ADAP2: variants seen among roughly 807,000 people sequenced by gnomAD.
ADAP2 encodes the protein ArfGAP with dual PH domains 2.
Under a neutral mutation model 54.9 loss-of-function variants are expected in ADAP2, and 42 were observed. The observed-to-expected ratio is 0.77, with a 90% CI of 0.60 to 0.99. ADAP2 has a LOEUF of 0.99. Among genes scored for constraint, ADAP2 ranks in the 50% least tolerant of loss-of-function variants. The pLI is 0.00. For missense variants in ADAP2, 429 were observed against 480.4 expected (o/e 0.89, Z 1.00); for synonymous variants, 177 against 180.1 (o/e 0.98, Z 0.14).
chr17:30,949,550 C>T (rs1276300373), intron 7 of ADAP2, among the ~76,000 whole-genome samples, 180 bp downstream of exon 7: 6 of 152,056 alleles, frequency 3.9e-5, no homozygotes, highest in Non-Finnish European at 8.8e-5. Flanking sequence ...AGATCGAGAC[C>T]ATCCTGGCTA....
chr17:30,955,233 C>T (rs1343174331), intron 9 of ADAP2, among the ~76,000 whole-genome samples: 1 of 151,556 alleles, frequency 6.6e-6, no homozygotes, highest in Non-Finnish European at 1.5e-5. Flanking sequence ...CCTCAGCCTC[C>T]TAAGTAGCTC....
intron 10 of ADAP2, 142 bp downstream of exon 10, chr17:30,956,611 A>G: frequency 1.2e-6 from 1 of 847,242 alleles, no homozygotes; most frequent in Admixed American, 2.5e-5. Flanking sequence ...CTTCCTGCAA[A>G]AGAAAAGCAC....
intron 5 of ADAP2, among the ~76,000 whole-genome samples, chr17:30,937,659 G>A (rs555901787): frequency 4.1e-4 from 62 of 152,228 alleles, no homozygotes; most frequent in Non-Finnish European, 6.9e-4. Flanking sequence ...GATCCGACCA[G>A]GATGGTTAGA....
intron 5 of ADAP2, among the ~76,000 whole-genome samples, chr17:30,935,557 G>T (rs1210411037): frequency 1.3e-5 from 2 of 151,862 alleles, no homozygotes; most frequent in African/African-American, 4.8e-5. Flanking sequence ...GAAAGGGGAG[G>T]AACAGTATGT....
intron 8 of ADAP2, chr17:30,954,222 C>T: frequency 2.7e-6 from 1 of 366,570 alleles, no homozygotes; most frequent in Non-Finnish European, 5.0e-6. Context: ...GAGGAAGGTG[C>T]CTCTTCCAAG....
chr17:30,923,872 G>T lies in ADAP2; in HGVS notation c.225+802G>T, dbSNP rs967583301. Among the ~76,000 whole-genome samples the T allele has an allele frequency of 3.3e-5, 5 of 150,784 alleles. No homozygotes were observed. The East Asian group carries it at 1.0e-3, about 30-fold the overall frequency. ...CCACCACCATGCCCCGCTAATTTTT[G>T]TATTAATTTTTAGCAGAGACGGGGT... On this transcript the variant is annotated intron_variant, in intron 2 of 10. Coordinates refer to ENST00000330889, the MANE Select transcript of ADAP2 (RefSeq NM_018404.3).
Position 30,957,857 on chromosome 17 carries a change from C to A in ADAP2, c.1134C>A (p.Arg378=). ...CAGCTGCATCAACAGAGAGTGGCCG[C>A]AGCAGCAGGTGACCCATTAACTGAG... ...NRLTASTESG[R]SSR The change falls in exon 11 of 11, where the codon CGC becomes CGA. Residue 378 remains arginine (R), a synonymous_variant. Coordinates refer to ENST00000330889, the MANE Select transcript of ADAP2 (RefSeq NM_018404.3). 6.2e-7 allele frequency: 1 copy of A among 1,613,234 alleles called. No individual in the cohort carries two copies. Among genetic ancestry groups the A allele is most frequent in the Non-Finnish European group, 8.5e-7 (1 of 1,179,674 alleles).
chr17:30,934,438 T>C (rs914897087), intron 5 of ADAP2, 141 bp downstream of exon 5: 5 of 608,000 alleles, frequency 8.2e-6, no homozygotes, highest in African/African-American at 5.6e-5. Context: ...CTACTTTTCC[T>C]TGGCTATACA....
intron 5 of ADAP2, among the ~76,000 whole-genome samples, chr17:30,936,230 C>A (rs573721844): frequency 3.6e-4 from 55 of 152,280 alleles, no homozygotes; most frequent in African/African-American, 1.3e-3. Flanking sequence ...TCATAGCTCA[C>A]TGCAACCTTA....
intron 10 of ADAP2, 66 bp downstream of exon 10, chr17:30,956,535 C>A: frequency 7.0e-7 from 1 of 1,424,904 alleles, no homozygotes; most frequent in Non-Finnish European, 9.8e-7. Flanking sequence ...TGCTTCTTCA[C>A]TTAGGTTCAG....
In ADAP2 at chr17:30,957,952, C is replaced by A. The variant is rs1905193263; in HGVS notation, c.*83C>A. On this transcript the variant is annotated 3_prime_UTR_variant, in exon 11 of 11. Coordinates refer to ENST00000330889, the MANE Select transcript of ADAP2 (RefSeq NM_018404.3). ...TTTGCACCTCGGCCCTGGCTGCCCA[C>A]CATCAGTGCCCCGCAGTCAGCAGCC... The A allele has an allele frequency of 3.9e-6, 5 of 1,290,282 alleles. No homozygotes were observed. The highest frequency in any genetic ancestry group is 2.5e-5 in the South Asian group (2 of 80,448). The allele number at this position is 1,290,282 out of a possible 1,614,324, so 79.9% of individuals were successfully genotyped here. A position where few individuals can be genotyped will look rare whatever the true frequency, so the allele number is the denominator to read the frequency against.
chr17:30,931,988 C>T lies in ADAP2; in HGVS notation c.397+20C>T. On this transcript the variant is annotated intron_variant, in intron 4 of 10. Coordinates refer to ENST00000330889, the MANE Select transcript of ADAP2 (RefSeq NM_018404.3). ...TCCCAGGTAAAGTTATTTCCATCAC[C>T]TTTTGAAATCTATGTTTTAATGAGC... 6.2e-7 allele frequency: 1 copy of T among 1,607,618 alleles called. No homozygotes were observed. Among genetic ancestry groups the T allele is most frequent in the Non-Finnish European group, 8.5e-7 (1 of 1,175,026 alleles).
In ADAP2 at chr17:30,957,989, T is replaced by A; in HGVS notation, c.*120T>A. ...CGCAGTCAGCAGCCATTCCTGGCAGTGAACTCTGCCAGGACTGAAGCTGTG... is the reference window on the plus strand; with the variant it reads ...CGCAGTCAGCAGCCATTCCTGGCAGAGAACTCTGCCAGGACTGAAGCTGTG... On this transcript the variant is annotated 3_prime_UTR_variant, in exon 11 of 11. Coordinates refer to ENST00000330889, the MANE Select transcript of ADAP2 (RefSeq NM_018404.3). 7.2e-6 allele frequency: 7 copies of A among 966,600 alleles called. No individual in the cohort carries two copies. Among genetic ancestry groups the A allele is most frequent in the Non-Finnish European group, 1.1e-5 (7 of 615,758 alleles). The allele number at this position is 966,600 out of a possible 1,614,324, so 59.9% of individuals were successfully genotyped here.
intron 3 of ADAP2, among the ~76,000 whole-genome samples, chr17:30,929,146 A>G (rs1911298163): frequency 6.6e-6 from 1 of 152,210 alleles, no homozygotes; most frequent in African/African-American, 2.4e-5. Context: ...ACTGTGACCT[A>G]GCTGGGAGGA....
At chr17:30,953,182 A>T in intron 7 of ADAP2, 106 bp from the exon 8 acceptor site, 1 of 937,836 alleles carries the variant, frequency 1.1e-6, no homozygotes, top group African/African-American at 1.6e-5. Context: ...CCATGAGCGT[A>T]CATCCTTCCC....
intron 4 of ADAP2, among the ~76,000 whole-genome samples, chr17:30,933,042 G>A (rs1911610894): frequency 6.6e-6 from 1 of 152,192 alleles, no homozygotes; most frequent in South Asian, 2.1e-4. Flanking sequence ...CTCTTCTGTG[G>A]CCCTGGACCT....
At chr17:30,957,627 C>T (rs1402973473) in intron 10 of ADAP2, among the ~76,000 whole-genome samples, 1 of 152,096 alleles carries the variant, frequency 6.6e-6, no homozygotes, top group African/African-American at 2.4e-5. Context: ...GACAGAGTTT[C>T]ACCATGTTGC....
At chr17:30,927,612 C>G (rs1428109341) in intron 3 of ADAP2, among the ~76,000 whole-genome samples, 1 of 137,726 alleles carries the variant, frequency 7.3e-6, no homozygotes, top group Non-Finnish European at 1.5e-5. Flanking sequence ...GAGACTCCGG[C>G]TCAAAAAAAA....
At chr17:30,951,997 T>G (rs1941454244) in intron 7 of ADAP2, among the ~76,000 whole-genome samples, 1 of 152,148 alleles carries the variant, frequency 6.6e-6, no homozygotes, top group South Asian at 2.1e-4. Flanking sequence ...CCTTTTAAAC[T>G]TCCCATAGCT....
Sources: allele counts gnomAD v4.1 joint callset (sites outside exome capture counted in the v4.1 genomes callset), GRCh38; gene constraint gnomAD v4.1.1; transcripts MANE v1.5; gene names NCBI Gene and HGNC (gene_info 2026-07-23, HGNC 2026-07-21).